DENND1A: variants seen among roughly 807,000 people sequenced by gnomAD.
DENND1A encodes DENN domain containing 1A.
DENND1A carries 51 observed loss-of-function variants against 113.7 expected under a neutral mutation model. That is an observed-to-expected ratio of 0.45 (90% CI 0.36 to 0.57). DENND1A has a LOEUF of 0.57. Ranked by LOEUF, DENND1A falls within the 20% of genes least tolerant of loss-of-function variation. The pLI is 0.00. For missense variants in DENND1A, 1,258 were observed against 1,395.9 expected (o/e 0.90, Z 1.57); for synonymous variants, 565 against 570.8 (o/e 0.99, Z 0.14).
At chr9:123,415,488 G>A (rs896765848) in intron 19 of DENND1A, among the ~76,000 whole-genome samples, 6 of 152,198 alleles carry the variant, frequency 3.9e-5, no homozygotes, top group African/African-American at 1.2e-4. Flanking sequence ...GCCCTGCCAG[G>A]AGTGTGCAGG....
intron 3 of DENND1A, among the ~76,000 whole-genome samples, chr9:123,774,746 A>G (rs1299748572): frequency 6.6e-6 from 1 of 152,184 alleles, no homozygotes; most frequent in African/African-American, 2.4e-5. Flanking sequence ...TGAGTCATAT[A>G]CATGTTATAA....
intron 10 of DENND1A, among the ~76,000 whole-genome samples, chr9:123,615,389 A>T (rs1225995975): frequency 6.6e-6 from 1 of 152,242 alleles, no homozygotes; most frequent in Admixed American, 6.5e-5. Flanking sequence ...TATTTCCTGG[A>T]GACCAGCATT....
chr9:123,852,809 C>T (rs1843576255), intron 2 of DENND1A, among the ~76,000 whole-genome samples: 1 of 152,172 alleles, frequency 6.6e-6, no homozygotes, highest in Admixed American at 6.5e-5. Context: ...AATAGCCTGA[C>T]ACAGCTCAAA....
chr9:123,891,523 G>A (rs549877135), intron 1 of DENND1A, among the ~76,000 whole-genome samples: 45 of 152,272 alleles, frequency 3.0e-4, no homozygotes, highest in Middle Eastern at 3.4e-3. Context: ...CTGATCAGTT[G>A]GATTTTGGAA....
In DENND1A at chr9:123,391,890, G is replaced by A. The variant is rs139147348; in HGVS notation, c.1632-4032C>T. 1.2e-3 allele frequency among the ~76,000 whole-genome samples: 189 copies of A among 152,160 alleles called. 1 individual carries two copies. Among genetic ancestry groups the A allele is most frequent in the Middle Eastern group, 3.4e-3 (1 of 294 alleles). On this transcript the variant is annotated intron_variant, in intron 21 of 23. Transcript: ENST00000394215. The stretch of plus-strand genomic sequence containing the variant: ...AGCTGTCTGTGAAAAGGCAGGTTGC[G>A]GCAAACTTGGCTGCCCAGCGAGGGC...
intron 11 of DENND1A, among the ~76,000 whole-genome samples, chr9:123,606,844 A>C (rs2060175740): frequency 6.6e-6 from 1 of 152,258 alleles, no homozygotes; most frequent in South Asian, 2.1e-4. Flanking sequence ...GGAACAAGGA[A>C]GCAAACAGCT....
At chr9:123,798,564 A>G (rs1564290763) in intron 2 of DENND1A, 1 of 152,124 alleles carries the variant, frequency 6.6e-6, no homozygotes, top group African/African-American at 2.4e-5. Context: ...AAATGCCACT[A>G]CTTACTGATA....
At chr9:123,560,747 T>C (rs987557562) in intron 12 of DENND1A, among the ~76,000 whole-genome samples, 1 of 151,572 alleles carries the variant, frequency 6.6e-6, no homozygotes, top group African/African-American at 2.4e-5. Flanking sequence ...AGGGGGTAGT[T>C]ATCCCACCTC....
At chr9:123,564,833 C>G (rs1382879393) in intron 12 of DENND1A, among the ~76,000 whole-genome samples, 1 of 152,212 alleles carries the variant, frequency 6.6e-6, no homozygotes, top group Non-Finnish European at 1.5e-5. Context: ...TCCTTCAGGT[C>G]TCAGTTCAAA....
chr9:123,585,820 T>C (rs2059137137), intron 11 of DENND1A, among the ~76,000 whole-genome samples: 1 of 152,186 alleles, frequency 6.6e-6, no homozygotes, highest in Non-Finnish European at 1.5e-5. Context: ...GCTGCGTCTG[T>C]AAAATTAAAA....
chr9:123,563,132 C>A (rs1038923598), intron 12 of DENND1A, among the ~76,000 whole-genome samples: 1 of 152,164 alleles, frequency 6.6e-6, no homozygotes, highest in African/African-American at 2.4e-5. Context: ...AATGCCATTG[C>A]TAAGACACAA....
At chr9:123,461,354 C>T (rs1259954366) in intron 13 of DENND1A, among the ~76,000 whole-genome samples, 3 of 152,188 alleles carry the variant, frequency 2.0e-5, no homozygotes, top group African/African-American at 7.2e-5. Flanking sequence ...TAATCAGAAG[C>T]TCAGGGATGC....
intron 13 of DENND1A, among the ~76,000 whole-genome samples, chr9:123,552,974 C>T (rs971743371): frequency 1.3e-5 from 2 of 152,220 alleles, no homozygotes; most frequent in Non-Finnish European, 2.9e-5. Flanking sequence ...ACCAGCATGC[C>T]GGGCACGGTG....
chr9:123,530,950 A>T (rs2055247498), intron 13 of DENND1A, among the ~76,000 whole-genome samples: 1 of 152,188 alleles, frequency 6.6e-6, no homozygotes, highest in Admixed American at 6.6e-5. Context: ...ATTGTACATA[A>T]TATTTTTATG....
At chr9:123,747,972 A>T (rs1239485370) in intron 5 of DENND1A, among the ~76,000 whole-genome samples, 1 of 152,204 alleles carries the variant, frequency 6.6e-6, no homozygotes, top group East Asian at 1.9e-4. Context: ...TAAGATAAAA[A>T]AAAAAGTTGA....
chr9:123,581,624 CAA>C (rs113405552), intron 12 of DENND1A, among the ~76,000 whole-genome samples: 9 of 136,016 alleles, frequency 6.6e-5, no homozygotes, highest in Admixed American at 7.4e-5. Context: ...GACACTGTTT[CAA>C]AAAAAAAAAA....
At chr9:123,885,524 CTCT>C (rs1848937375) in intron 1 of DENND1A, among the ~76,000 whole-genome samples, 2 of 152,228 alleles carry the variant, frequency 1.3e-5, no homozygotes, top group Admixed American at 1.3e-4. Flanking sequence ...ACACCTATTA[CTCT>C]GTAAAGATGT....
At chr9:123,602,066 G>C (rs1192384291) in intron 11 of DENND1A, among the ~76,000 whole-genome samples, 1 of 152,194 alleles carries the variant, frequency 6.6e-6, no homozygotes, top group African/African-American at 2.4e-5. Flanking sequence ...GCAGCTGAAG[G>C]CCTGGGTACA....
intron 19 of DENND1A, chr9:123,414,157 G>A (rs2044530856): frequency 1.0e-6 from 1 of 1,004,246 alleles, no homozygotes; most frequent in Admixed American, 5.1e-5. Flanking sequence ...TACTCCCTGG[G>A]TTACTCCAGG....
Sources: gnomAD v4.1 joint callset for allele counts (sites outside exome capture counted in the v4.1 genomes callset) on GRCh38, gnomAD v4.1.1 for gene constraint, MANE v1.5 for transcripts, NCBI Gene and HGNC (gene_info 2026-07-23, HGNC 2026-07-21) for gene names.